RARB: variants seen among roughly 807,000 people sequenced by gnomAD.
The protein encoded by RARB is HBV-activated protein.
Under a neutral mutation model 51.9 loss-of-function variants are expected in RARB, and 17 were observed. That is an observed-to-expected ratio of 0.33 (90% CI 0.22 to 0.49). The LOEUF is 0.49. Among genes scored for constraint, RARB ranks in the 20% least tolerant of loss-of-function variants. RARB has a pLI of 0.99. For synonymous variants in RARB, 215 were observed against 195.4 expected, an observed-to-expected ratio of 1.10 and a Z score of -0.84; for missense variants, 369 against 550.8, an observed-to-expected ratio of 0.67 and a Z score of 3.30.
At chr3:25,224,088 C>G (rs1042851097) in intron 5 of RARB, among the ~76,000 whole-genome samples, 5 of 152,138 alleles carry the variant, frequency 3.3e-5, no homozygotes, top group African/African-American at 1.2e-4. Flanking sequence ...GTCTAATGTC[C>G]TCATTTTGAC....
chr3:25,220,214 C>T (rs1380457478), intron 5 of RARB, among the ~76,000 whole-genome samples: 1 of 152,156 alleles, frequency 6.6e-6, no homozygotes, highest in Admixed American at 6.5e-5. Context: ...ATTTCCCTAA[C>T]TGTATGGTTC....
intron 5 of RARB, among the ~76,000 whole-genome samples, chr3:25,385,522 A>T (rs1295158866): frequency 6.6e-6 from 1 of 152,096 alleles, no homozygotes; most frequent in African/African-American, 2.4e-5. Flanking sequence ...GAGGCCCCCA[A>T]ATGAGCATCC....
intron 5 of RARB, among the ~76,000 whole-genome samples, chr3:25,275,516 C>T (rs1257603424): frequency 6.6e-6 from 1 of 152,164 alleles, no homozygotes; most frequent in Non-Finnish European, 1.5e-5. Flanking sequence ...CTGCCTGCAC[C>T]ATCCGGAAGC....
chr3:24,864,952 ACT>A (rs1702820033), intron 2 of RARB, among the ~76,000 whole-genome samples: 1 of 152,012 alleles, frequency 6.6e-6, no homozygotes, highest in Non-Finnish European at 1.5e-5. Context: ...CTTTGAAAAG[ACT>A]CTTGTTCACA....
At chr3:25,306,182 A>T (rs1043438928) in intron 5 of RARB, among the ~76,000 whole-genome samples, 2 of 152,114 alleles carry the variant, frequency 1.3e-5, no homozygotes, top group African/African-American at 4.8e-5. Flanking sequence ...GAGGGCATTG[A>T]GTTTCATTGA....
At chr3:25,455,091 C>G (rs189239335) in intron 1 of RARB, among the ~76,000 whole-genome samples, 1 of 152,174 alleles carries the variant, frequency 6.6e-6, no homozygotes, top group Non-Finnish European at 1.5e-5. Context: ...TTTTAGAGGA[C>G]TGTTTCTCAA....
At chr3:25,560,680 G>A (rs1357927595) in intron 3 of RARB, among the ~76,000 whole-genome samples, 3 of 152,128 alleles carry the variant, frequency 2.0e-5, no homozygotes, top group South Asian at 2.1e-4. Flanking sequence ...TCTCATCTTG[G>A]ATAAAAATTC....
At chr3:25,332,777 C>T (rs1048409984) in intron 5 of RARB, among the ~76,000 whole-genome samples, 4 of 152,126 alleles carry the variant, frequency 2.6e-5, no homozygotes, top group Non-Finnish European at 4.4e-5. Context: ...TTAGAAAACC[C>T]CATCATCTCA....
chr3:25,101,111 T>A (rs568113880), intron 3 of RARB, among the ~76,000 whole-genome samples: 4 of 152,166 alleles, frequency 2.6e-5, no homozygotes, highest in Non-Finnish European at 4.4e-5. Context: ...AGACTTTTGT[T>A]ACTGACAGGT....
At chr3:25,104,388 C>T (rs886214296) in intron 3 of RARB, among the ~76,000 whole-genome samples, 13 of 152,150 alleles carry the variant, frequency 8.5e-5, no homozygotes, top group East Asian at 5.8e-4. Context: ...TTTGGAAGGC[C>T]GGGGATGGGG....
intron 2 of RARB, among the ~76,000 whole-genome samples, chr3:24,956,158 T>A (rs1332531389): frequency 6.6e-6 from 1 of 152,148 alleles, no homozygotes; most frequent in Non-Finnish European, 1.5e-5. Context: ...GTACTGAGAA[T>A]ACTGAAGTAC....
chr3:25,198,564 A>G (rs1185042435), intron 5 of RARB, among the ~76,000 whole-genome samples: 2 of 152,080 alleles, frequency 1.3e-5, no homozygotes, highest in African/African-American at 4.8e-5. Context: ...TCAATAGGAA[A>G]AACTATTGTA....
chr3:25,157,197 T>G (rs1390295430), intron 4 of RARB, among the ~76,000 whole-genome samples: 1 of 152,174 alleles, frequency 6.6e-6, no homozygotes, highest in South Asian at 2.1e-4. Context: ...TTGTTCTGTT[T>G]CCAGCTATGT....
At chr3:25,034,516 G>T (rs1697941625) in intron 2 of RARB, among the ~76,000 whole-genome samples, 1 of 152,208 alleles carries the variant, frequency 6.6e-6, no homozygotes. Context: ...GAAGATGGCT[G>T]CATATTTAAT....
chr3:25,230,298 C>T (rs544054106), intron 5 of RARB, among the ~76,000 whole-genome samples: 2 of 152,164 alleles, frequency 1.3e-5, no homozygotes, highest in African/African-American at 4.8e-5. Flanking sequence ...ACACTGGGAA[C>T]CTATGGATTC....
At chr3:24,876,869 A>G (rs1001749763) in intron 2 of RARB, among the ~76,000 whole-genome samples, 2 of 152,186 alleles carry the variant, frequency 1.3e-5, no homozygotes, top group South Asian at 2.1e-4. Flanking sequence ...GATGGATGCA[A>G]TGTCCTTCCC....
At chr3:24,886,447 CTT>C (rs35659222) in intron 2 of RARB, among the ~76,000 whole-genome samples, 5 of 144,000 alleles carry the variant, frequency 3.5e-5, no homozygotes, top group Non-Finnish European at 4.5e-5. Context: ...TGTAAACAAA[CTT>C]TTTTTTTTTT....
At chr3:25,281,657 G>T (rs984708212) in intron 5 of RARB, among the ~76,000 whole-genome samples, 3 of 152,178 alleles carry the variant, frequency 2.0e-5, no homozygotes, top group Non-Finnish European at 4.4e-5. Context: ...GTAGGCGTTG[G>T]GTGGTTGCCA....
At chr3:25,579,442 G>A (rs1004325294) in intron 4 of RARB, among the ~76,000 whole-genome samples, 4 of 152,170 alleles carry the variant, frequency 2.6e-5, no homozygotes, top group Admixed American at 2.0e-4. Flanking sequence ...TTTCCAGAAC[G>A]TCATATAAAT....
Sources: gnomAD v4.1 joint callset for allele counts (sites outside exome capture counted in the v4.1 genomes callset) on GRCh38, gnomAD v4.1.1 for gene constraint, MANE v1.5 for transcripts, NCBI Gene and HGNC (gene_info 2026-07-23, HGNC 2026-07-21) for gene names.